Variants in IDS observed in about 807,000 individuals in gnomAD.
IDS encodes the protein alpha-L-iduronate sulfate sulfatase.
IDS carries 1 observed loss-of-function variant against 33.5 expected under a neutral mutation model. That is an observed-to-expected ratio of 0.03 (90% CI 0.01 to 0.14). The LOEUF is 0.14. Ranked by LOEUF, IDS falls within the 10% of genes least tolerant of loss-of-function variation. The probability of loss-of-function intolerance (pLI) is 1.00; values close to 1 mark genes in which losing one functional copy is unlikely to be tolerated. For synonymous variants in IDS, 191 were observed against 184.4 expected, an observed-to-expected ratio of 1.04 and a Z score of -0.29; for missense variants, 328 against 448.0, an observed-to-expected ratio of 0.73 and a Z score of 2.42.
Position 149,483,231 on chromosome X carries a change from G to A in IDS, c.1181-13C>T, listed in dbSNP as rs188486717. The A allele has an allele frequency of 1.2e-3, 1,360 of 1,174,876 alleles. 4 individuals carry two copies. In the Middle Eastern group the frequency reaches 0.017, roughly 14 times the overall value. On this transcript the variant is annotated splice_polypyrimidine_tract_variant and intron_variant, in intron 8 of 8. Coordinates refer to ENST00000340855, the MANE Select transcript of IDS (RefSeq NM_000202.8). ...ATGGATTGCCTGCCTGAAACAGGAAGCGACAGAGCAGAATGGGTTACATTA... is the reference window on the plus strand; with the variant it reads ...ATGGATTGCCTGCCTGAAACAGGAAACGACAGAGCAGAATGGGTTACATTA...
intron 3 of IDS, 113 bp downstream of exon 3, chrX:149,503,199 G>A (rs1439965048): frequency 1.5e-5 from 18 of 1,168,970 alleles, no homozygotes; most frequent in Middle Eastern, 2.3e-4. Flanking sequence ...ACTAGCGAGG[G>A]ACTCGCCCAG....
At chrX:149,499,677 T>C (rs1387049451) in intron 4 of IDS, among the ~76,000 whole-genome samples, 4 of 110,749 alleles carry the variant, frequency 3.6e-5, no homozygotes, top group African/African-American at 1.3e-4. Context: ...TTAAATTATA[T>C]ACTTCAAAAG....
chrX:149,483,019 C>G lies in IDS; in HGVS notation c.1380G>C (p.Leu460=). 1 of 1,210,416 alleles carries G rather than the reference C, an allele frequency of 8.3e-7. No homozygotes were observed. Among genetic ancestry groups the G allele is most frequent in the Non-Finnish European group, 1.1e-6 (1 of 894,362 alleles). ...DPYLPGNPRE[L]IAYSQYPRPS... ...GCCGGGGATACTGGCTATAGGCAAT[C>G]AGTTCACGGGGATTACCAGGGAGGT... is the stretch of plus-strand genomic sequence containing the variant. Residue 460 remains leucine (L), a synonymous_variant, in exon 9 of 9, where the codon CTG becomes CTC. Transcript: ENST00000340855.
chrX:149,487,033 G>T lies in IDS; in HGVS notation c.1072C>A (p.Pro358Thr), dbSNP rs1557338141. ...YSNFDVATHV[P>T]LIFYVPGRTA... ...CTTCCAGGAACATAGAATATCAGGG[G>T]AACATGGGTAGCAACATCAAAATTG... is the stretch of plus-strand genomic sequence containing the variant. Residue 358 changes from proline to threonine, a missense_variant, in exon 8 of 9, where the codon CCC becomes ACC. Physicochemically the swap from Pro to Thr is conservative, Grantham distance 38. This residue lies in a region of IDS where 265 missense variants were observed against 339.2 expected (regional missense o/e 0.78). Coordinates refer to ENST00000340855, the MANE Select transcript of IDS (RefSeq NM_000202.8). The T allele has an allele frequency of 8.3e-7, 1 of 1,211,193 alleles. No individual in the cohort carries two copies. Among genetic ancestry groups the T allele is most frequent in the Non-Finnish European group, 1.1e-6 (1 of 894,963 alleles).
intron 4 of IDS, chrX:149,499,214 T>TGTG (rs1389830768): frequency 9.1e-6 from 1 of 109,839 alleles, no homozygotes; most frequent in Non-Finnish European, 1.9e-5. Flanking sequence ...ATTAGCTGGG[T>TGTG]GTGGTGGTGG....
At chrX:149,497,275 A>G (rs782182923) in intron 5 of IDS, among the ~76,000 whole-genome samples, 45 of 112,638 alleles carry the variant, frequency 4.0e-4, no homozygotes, top group African/African-American at 1.3e-3. Flanking sequence ...AGAACACTTC[A>G]GAAATCAAAG....
intron 6 of IDS, chrX:149,491,412 T>G: frequency 2.1e-6 from 1 of 472,601 alleles, no homozygotes; most frequent in Non-Finnish European, 2.9e-6. Flanking sequence ...AGGACAAAAA[T>G]TAATCTTCCA....
intron 4 of IDS, among the ~76,000 whole-genome samples, chrX:149,499,678 A>G (rs782538779): frequency 9.0e-5 from 10 of 110,979 alleles, no homozygotes; most frequent in South Asian, 3.8e-4. Context: ...TAAATTATAT[A>G]CTTCAAAAGG....
At chrX:149,487,259 A>G in intron 7 of IDS, 161 bp from the exon 8 acceptor site, 1 of 1,207,930 alleles carries the variant, frequency 8.3e-7, no homozygotes, top group Non-Finnish European at 1.1e-6. Context: ...AGAAAGGGTT[A>G]TTTCAACTGA....
At chrX:149,504,545 TG>T (rs781903366) in intron 1 of IDS, among the ~76,000 whole-genome samples, 1 of 109,518 alleles carries the variant, frequency 9.1e-6, no homozygotes, top group African/African-American at 3.3e-5. Context: ...TGAAAGATGG[TG>T]GAAAGGAAAG....
At chrX:149,499,917 T>C (rs960061728) in intron 4 of IDS, among the ~76,000 whole-genome samples, 1 of 110,960 alleles carries the variant, frequency 9.0e-6, no homozygotes, top group Non-Finnish European at 1.9e-5. Flanking sequence ...CCAAAGTTAG[T>C]TCTGACCATG....
chrX:149,504,232 C>T lies in IDS; in HGVS notation c.165G>A (p.Gly55=). 8.3e-7 allele frequency: 1 copy of T among 1,207,160 alleles called. No homozygotes were observed. The highest frequency in any genetic ancestry group is 1.1e-6 in the Non-Finnish European group (1 of 892,232). Reference sequence around the variant, plus strand: ...TATTTGGGGACCTCACCAGCTTATCCCCATAACAGCCCAGGGAGGGGCGCA... The same window carrying T: ...TATTTGGGGACCTCACCAGCTTATCTCCATAACAGCCCAGGGAGGGGCGCA... ...DDLRPSLGCY[G]DKLVRSPNID... is the part of the protein sequence containing the mutation. Residue 55 remains glycine (G), a synonymous_variant, in exon 2 of 9, where the codon GGG becomes GGA. Transcript: ENST00000340855.
intron 8 of IDS, 28 bp from the exon 9 acceptor site, chrX:149,483,246 G>A (rs2123995222): frequency 3.5e-6 from 4 of 1,129,169 alleles, no homozygotes; most frequent in South Asian, 1.8e-5. Context: ...AGAGCAGAAT[G>A]GGTTACATTA....
intron 2 of IDS, among the ~76,000 whole-genome samples, chrX:149,503,722 AC>A (rs1557340320): frequency 1.8e-5 from 2 of 112,050 alleles, no homozygotes. Flanking sequence ...ATCTCCTCCT[AC>A]GCAATGGCCT....
At position 149,486,980 on chromosome X, in the gene IDS, C is replaced by A. The variant is rs782527639; in HGVS notation, c.1125G>T (p.Glu375Asp). 2 of 1,211,976 alleles carry A rather than the reference C, an allele frequency of 1.7e-6. No homozygotes were observed. The highest frequency in any genetic ancestry group is 3.5e-5 in the South Asian group (2 of 57,010). ...AAGGGTCGAGGTAAGGGAAAAGCTT[C>A]TCGCCTGCCTCCGGAAGTGAAGCCG... ...GRTASLPEAG[E>D]KLFPYLDPFD... The change falls in exon 8 of 9, where the codon GAG becomes GAT. Residue 375 changes from glutamate to aspartate, a missense_variant. Around this residue, in one of 4 missense-constraint regions of IDS, gnomAD observed 265 missense variants for 339.2 expected, o/e 0.78. Transcript: ENST00000340855.
In IDS at chrX:149,500,982, A is replaced by G; in HGVS notation, c.474T>C (p.Tyr158=). 1.7e-6 allele frequency: 2 copies of G among 1,182,070 alleles called. No homozygotes were observed. Among genetic ancestry groups the G allele is most frequent in the Non-Finnish European group, 2.3e-6 (2 of 868,203 alleles). Residue 158 remains tyrosine (Y), a synonymous_variant, in exon 4 of 9, where the codon TAT becomes TAC. Transcript: ENST00000340855. ...TTTCATACTTCTCAGAGGAAGGATG[A>G]TAAGGTGGAAAAGACCAGCTATACG... The part of the protein sequence containing the change: ...DSPYSWSFPP[Y]HPSSEKYENT...
chrX:149,498,013 C>A, intron 5 of IDS, 94 bp downstream of exon 5: 1 of 775,061 alleles, frequency 1.3e-6, no homozygotes, highest in South Asian at 2.3e-5. Context: ...CTGGCGATGG[C>A]AGGATGTAGC....
chrX:149,487,263 C>A, intron 7 of IDS, 165 bp from the exon 8 acceptor site: 1 of 1,207,574 alleles, frequency 8.3e-7, no homozygotes, highest in Non-Finnish European at 1.1e-6. Flanking sequence ...AGGGTTATTT[C>A]AACTGAATGC....
chrX:149,495,036 TAGACAAC>T (rs2089424662), intron 6 of IDS, among the ~76,000 whole-genome samples: 1 of 111,861 alleles, frequency 8.9e-6, no homozygotes, highest in African/African-American at 3.3e-5. Flanking sequence ...TTTCCTCACC[TAGACAAC>T]AGAGAGCAGG....
Sources: gnomAD v4.1 joint callset for allele counts (sites outside exome capture counted in the v4.1 genomes callset) on GRCh38, gnomAD v4.1.1 for gene constraint, gnomAD v4.1.1 regional missense constraint, MANE v1.5 for transcripts, NCBI Gene and HGNC (gene_info 2026-07-23, HGNC 2026-07-21) for gene names.